The following KMT2D variants were observed in gnomAD, a reference collection of about 807,000 sequenced individuals.
The protein encoded by KMT2D is lysine methyltransferase 2D, also known as histone-lysine N-methyltransferase 2D.
A neutral mutation model predicts 512.7 loss-of-function variants in KMT2D; 55 were observed. The ratio of observed to expected loss-of-function variants is 0.11; its 90% CI spans 0.09 to 0.13. The LOEUF is 0.13. KMT2D is among the 10% of genes least tolerant of loss of function. The pLI is 1.00. For missense variants in KMT2D, 6,061 were observed against 7,127.9 expected (o/e 0.85, Z 5.39); for synonymous variants, 2,995 against 2,904.0 (o/e 1.03, Z -1.01).
Position 49,022,810 on chromosome 12 carries a change from T to C in KMT2D, c.16118A>G (p.Asn5373Ser), listed in dbSNP as rs766918693. The C allele has an allele frequency of 1.9e-6, 3 of 1,613,816 alleles. No individual in the cohort carries two copies. Among genetic ancestry groups the C allele is most frequent in the Non-Finnish European group, 1.7e-6 (2 of 1,179,788 alleles). Residue 5373 changes from asparagine to serine, a missense_variant, in exon 52 of 55, where the codon AAC becomes AGC. Physicochemically the swap from Asn to Ser is conservative, Grantham distance 46. Around this residue, in one of 16 missense-constraint regions of KMT2D, gnomAD observed 261 missense variants for 440.7 expected, o/e 0.59. Coordinates refer to ENST00000301067, the MANE Select transcript of KMT2D (RefSeq NM_003482.4). This position sits in a 1 kb window ranked among gnomAD's most constrained non-coding sequence, Gnocchi z 8.6. ...AYQSTFTGET[N>S]TPYSKQFVHS... ...CACAAACTGCTTGCTGTAGGGGGTGTTGGTCTCGCCTGTGAAGGTGCTCTG... is the reference window on the plus strand; with the variant it reads ...CACAAACTGCTTGCTGTAGGGGGTGCTGGTCTCGCCTGTGAAGGTGCTCTG...
Position 49,031,248 on chromosome 12 carries a change from T to C in KMT2D, c.13457A>G (p.Glu4486Gly), listed in dbSNP as rs886049473. Residue 4486 changes from glutamate to glycine, a missense_variant, in exon 40 of 55, where the codon GAG becomes GGG. By Grantham distance (98) the Glu-to-Gly change is moderately conservative. Transcript: ENST00000301067. The part of the protein sequence containing the change: ...TGRGSEGLRA[E>G]INGHIDSKLA... ...CTTGCTGTCAATGTGCCCGTTGATC[T>C]CAGCTCGCAGCCCCTCGGACCCCCG... is the stretch of plus-strand genomic sequence containing the variant. 3.1e-6 allele frequency: 5 copies of C among 1,613,130 alleles called. No individual in the cohort carries two copies. The highest frequency in any genetic ancestry group is 3.4e-6 in the Non-Finnish European group (4 of 1,179,698).
rs753553995 is a variant in KMT2D, at chr12:49,053,046, C to T, written c.981G>A (p.Gly327=). The T allele has an allele frequency of 6.2e-7, 1 of 1,613,942 alleles. No individual in the cohort carries two copies. Among genetic ancestry groups the T allele is most frequent in the African/African-American group, 1.3e-5 (1 of 74,948 alleles). The change falls in exon 9 of 55, where the codon GGG becomes GGA. Residue 327 remains glycine (G), a synonymous_variant. Transcript: ENST00000301067. ...CKACRVCRAC[G]AGSAELNPNS... ...TGGGATTCAGTTCTGCTGAGCCCGC[C>T]CCACAGGCCCGGCACACCCGGCACG...
rs757243984 is a variant in KMT2D at position 49,033,577 on chromosome 12, C to T, written c.11128G>A (p.Gly3710Arg). Residue 3710 changes from glycine (G) to arginine (R), a missense_variant, in exon 40 of 55, where the codon GGA (glycine) becomes AGA (arginine). Around this residue, in one of 16 missense-constraint regions of KMT2D, gnomAD observed 1,600 missense variants for 1,754.9 expected, o/e 0.91. Coordinates refer to ENST00000301067, the MANE Select transcript of KMT2D (RefSeq NM_003482.4). ...FPGNLALRSLGPDSRLLQERQ... is the reference protein window; with the variant it reads ...FPGNLALRSLRPDSRLLQERQ... ...TCCTGTAAAAGCCTTGAATCAGGTCCGAGGCTTCGAAGAGCAAGGTTGCCA... is the reference window on the plus strand; with the variant it reads ...TCCTGTAAAAGCCTTGAATCAGGTCTGAGGCTTCGAAGAGCAAGGTTGCCA... The T allele has an allele frequency of 6.3e-5, 101 of 1,613,316 alleles. No individual in the cohort carries two copies. Among genetic ancestry groups the T allele is most frequent in the Middle Eastern group, 3.3e-4 (2 of 6,082 alleles).
At position 49,029,431 on chromosome 12, in the gene KMT2D, G is replaced by A. The variant is rs2120397955; in HGVS notation, c.14045C>T (p.Thr4682Ile). Residue 4682 changes from threonine to isoleucine, a missense_variant, in exon 44 of 55, where the codon ACA becomes ATA. Transcript: ENST00000301067. ...KSLDLLAALP[T>I]PPHNQTEDVR... ...ATCCTCAGTCTGATTGTGAGGGGGT[G>A]TAGGCAAGGCAGCCAGCAGGTCTAG... 1 of 1,557,886 alleles carries A rather than the reference G, an allele frequency of 6.4e-7. No individual in the cohort carries two copies. Among genetic ancestry groups the A allele is most frequent in the Non-Finnish European group, 8.7e-7 (1 of 1,150,120 alleles).
In KMT2D at chr12:49,032,970, AGTTGCT is replaced by A. The variant is rs398123709; in HGVS notation, c.11729_11734del (p.Gln3910_Gln3911del). 294 of 1,549,644 alleles carry A rather than the reference AGTTGCT, an allele frequency of 1.9e-4. No individual in the cohort carries two copies. In the East Asian group the frequency reaches 6.9e-3, roughly 37 times the overall value. ...TAGCTGCTGCTGCTGCTGCTGCTGA[AGTTGCT>A]GTTGCTGTTGCAGCTGCTGCTGCTG... On this transcript the variant is annotated inframe_deletion, in exon 40 of 55. Transcript: ENST00000301067.
rs1295796508 is a variant in KMT2D at position 49,024,989 on chromosome 12, C to G, written c.15785-43G>C. 6.4e-7 allele frequency: 1 copy of G among 1,560,452 alleles called. No homozygotes were observed. The highest frequency in any genetic ancestry group is 1.9e-5 in the Admixed American group (1 of 52,364). On this transcript the variant is annotated intron_variant, in intron 49 of 54. Transcript: ENST00000301067. This position sits in a 1 kb window ranked among gnomAD's most constrained non-coding sequence, Gnocchi z 4.5. ...GAGCAGTCCTCAGAGGCAACTTCTG[C>G]TCACTGACCTCCAGTCCCTAACCCC...
chr12:49,043,579 T>C lies in KMT2D; in HGVS notation c.5467+56A>G, dbSNP rs575392476. ...ATTTCCCATCAAATAACTTGCCAGC[T>C]CCTAAGCCAGAAGAAAGTTGGATTC... is the stretch of plus-strand genomic sequence containing the variant. On this transcript the variant is annotated intron_variant, in intron 24 of 54. Coordinates refer to ENST00000301067, the MANE Select transcript of KMT2D (RefSeq NM_003482.4). 26 of 1,607,882 alleles carry C rather than the reference T, an allele frequency of 1.6e-5. No individual in the cohort carries two copies. The African/African-American group carries it at 3.5e-4, about 21-fold the overall frequency.
chr12:49,038,306 T>A lies in KMT2D; in HGVS notation c.9050A>T (p.Asp3017Val), dbSNP rs1356167683. 1 of 1,613,714 alleles carries A rather than the reference T, an allele frequency of 6.2e-7. No homozygotes were observed. Among genetic ancestry groups the A allele is most frequent in the African/African-American group, 1.3e-5 (1 of 74,900 alleles). ...AAGTTCATCATCACCCTTGGCCACATCCACACCCAGACCCAGGTGAGCAAG... is the reference window on the plus strand; with the variant it reads ...AAGTTCATCATCACCCTTGGCCACAACCACACCCAGACCCAGGTGAGCAAG... ...EELAHLGLGV[D>V]VAKGDDELGT... The change falls in exon 35 of 55, where the codon GAT becomes GTT. Residue 3017 changes from aspartate to valine, a missense_variant. Asp to Val is a radical substitution (Grantham distance 152, BLOSUM62 -3). This residue lies in a region of KMT2D where 527 missense variants were observed against 578.9 expected (regional missense o/e 0.91). Coordinates refer to ENST00000301067, the MANE Select transcript of KMT2D (RefSeq NM_003482.4). This position sits in a 1 kb window ranked among gnomAD's most constrained non-coding sequence, Gnocchi z 5.7.
Position 49,034,906 on chromosome 12 carries a change from T to C in KMT2D, c.10261A>G (p.Ile3421Val), listed in dbSNP as rs768146104. Residue 3421 changes from isoleucine (I) to valine (V), a missense_variant, in exon 36 of 55, where the codon ATT (isoleucine) becomes GTT (valine). Around this residue, in one of 16 missense-constraint regions of KMT2D, gnomAD observed 533 missense variants for 539.6 expected, o/e 0.99. Transcript: ENST00000301067. ...DLDKFAAEDI[I>V]DPIAKAKMVA... Reference sequence around the variant, plus strand: ...ATCTTGGCCTTTGCAATGGGATCAATGATATCTTCTGCAGCAAATTTGTCC... The same window carrying C: ...ATCTTGGCCTTTGCAATGGGATCAACGATATCTTCTGCAGCAAATTTGTCC... 3 of 1,614,008 alleles carry C rather than the reference T, an allele frequency of 1.9e-6. No individual in the cohort carries two copies. The highest frequency in any genetic ancestry group is 1.7e-5 in the Admixed American group (1 of 60,022).
chr12:49,035,052 GCAGAAAGACCACTGAA>G, intron 35 of KMT2D, 117 bp from the exon 36 acceptor site: 1 of 1,275,468 alleles, frequency 7.8e-7, no homozygotes, highest in Non-Finnish European at 1.1e-6. Flanking sequence ...GCACGGCAAG[GCAGAAAGACCACTGAA>G]TTAGGAGCCA....
In KMT2D at chr12:49,040,687, A is replaced by G. The variant is rs1277140237; in HGVS notation, c.7083T>C (p.Ser2361=). 1.9e-6 allele frequency: 3 copies of G among 1,613,562 alleles called. No homozygotes were observed. Among genetic ancestry groups the G allele is most frequent in the Non-Finnish European group, 2.5e-6 (3 of 1,179,760 alleles). ...EPPPAQALAP[S]PPSHPDIFRP... ...GAAAGATGTCTGGGTGACTTGGAGG[A>G]GAAGGTGCCAAAGCCTGGGCAGGGG... Residue 2361 remains serine (S), a synonymous_variant, in exon 32 of 55, where the codon TCT becomes TCC. Coordinates refer to ENST00000301067, the MANE Select transcript of KMT2D (RefSeq NM_003482.4).
intron 49 of KMT2D, among the ~76,000 whole-genome samples, chr12:49,025,531 C>A (rs114427695): frequency 1.6e-3 from 247 of 152,280 alleles, no homozygotes; most frequent in African/African-American, 5.8e-3. Context: ...GCTATGCCAT[C>A]TAGGTTTGTG....
rs2120576885 is a variant in KMT2D, at chr12:49,043,988, A to G, written c.5199T>C (p.Ala1733=). The change falls in exon 23 of 55, where the codon GCT becomes GCC. Residue 1733 remains alanine (A), a synonymous_variant. Transcript: ENST00000301067. ...CCACGGCGCCCTCTGCAGGCAGGTC[A>G]GCAGGTATCACTGTGGACAGAACGG... is the stretch of plus-strand genomic sequence containing the variant. ...GDGQPDEVIP[A]DLPAEGAVEQ... 6.2e-7 allele frequency: 1 copy of G among 1,614,030 alleles called. No homozygotes were observed. The highest frequency in any genetic ancestry group is 8.5e-7 in the Non-Finnish European group (1 of 1,179,892).
chr12:49,030,576 C>A, intron 42 of KMT2D, 25 bp downstream of exon 42: 1 of 1,539,856 alleles, frequency 6.5e-7, no homozygotes, highest in South Asian at 1.3e-5. Flanking sequence ...TCACTATTCC[C>A]AAAAAATATT....
chr12:49,023,641 A>G (rs1167752824), intron 51 of KMT2D, among the ~76,000 whole-genome samples: 1 of 152,222 alleles, frequency 6.6e-6, no homozygotes, highest in African/African-American at 2.4e-5. Context: ...AAACTAGATG[A>G]CAATGGAGCT....
chr12:49,045,584 C>A (rs951807968), intron 19 of KMT2D, among the ~76,000 whole-genome samples: 1 of 146,342 alleles, frequency 6.8e-6, no homozygotes, highest in Admixed American at 6.9e-5. Flanking sequence ...GCAAAGCTTG[C>A]AATGTGCCAA....
rs567723288 is a variant in KMT2D at position 49,032,560 on chromosome 12, A to G, written c.12145T>C (p.Leu4049=). 1 of 1,612,716 alleles carries G rather than the reference A, an allele frequency of 6.2e-7. No individual in the cohort carries two copies. The highest frequency in any genetic ancestry group is 1.1e-5 in the South Asian group (1 of 90,784). The change falls in exon 40 of 55, where the codon TTA becomes CTA. Residue 4049 remains leucine (L), a synonymous_variant. Coordinates refer to ENST00000301067, the MANE Select transcript of KMT2D (RefSeq NM_003482.4). ...GACTCAGGGGTAGTTCCTATTGCTA[A>G]CGGCCCTCCCTGATGTGTAGAGGGC... ...EGPSTHQGGP[L]AIGTTPESMA...
rs772979305 is a variant in KMT2D at position 49,030,449 on chromosome 12, G to C, written c.13840-10C>G. On this transcript the variant is annotated splice_polypyrimidine_tract_variant and intron_variant, in intron 42 of 54. Coordinates refer to ENST00000301067, the MANE Select transcript of KMT2D (RefSeq NM_003482.4). ...GGTTACTCAGGTTATTCTGAGGGGT[G>C]GGGGGTGGGGTGTTGTGTGCAAGAT... is the stretch of plus-strand genomic sequence containing the variant. 1.1e-5 allele frequency: 6 copies of C among 565,936 alleles called. No homozygotes were observed. In the East Asian group the frequency reaches 2.7e-4, roughly 25 times the overall value. 35.1% of individuals were successfully genotyped at this position (565,936 alleles called of 1,614,324 possible). A position where few individuals can be genotyped will look rare whatever the true frequency, so the allele number is the denominator to read the frequency against.
rs1290064692 is a variant in KMT2D, at chr12:49,019,118, G to A, written c.*2662C>T. On this transcript the variant is annotated 3_prime_UTR_variant, in exon 55 of 55. Transcript: ENST00000301067. ...GATACAAAACATGCCAAGGACAGGG[G>A]CGCTGAGGGTGGAGGGAGAGAGGGC... is the stretch of plus-strand genomic sequence containing the variant. 12 of 1,166,502 alleles carry A rather than the reference G, an allele frequency of 1.0e-5. No homozygotes were observed. In the Admixed American group the frequency reaches 4.5e-4, roughly 44 times the overall value. 72.3% of individuals were successfully genotyped at this position (1,166,502 alleles called of 1,614,324 possible). A position where few individuals can be genotyped will look rare whatever the true frequency, so the allele number is the denominator to read the frequency against.
Sources: gnomAD v4.1 joint callset for allele counts (sites outside exome capture counted in the v4.1 genomes callset) on GRCh38, gnomAD v4.1.1 for gene constraint, gnomAD v4.1.1 regional missense constraint, Gnocchi (gnomAD v3.1) non-coding constraint, MANE v1.5 for transcripts, NCBI Gene and HGNC (gene_info 2026-07-23, HGNC 2026-07-21) for gene names.